The following SLC22A25 variants were observed in gnomAD, a reference collection of about 807,000 sequenced individuals.
SLC22A25 encodes solute carrier family 22 member 25, also known as MGI:2442751, MGI:2385316, MGI:3042283, MGI:3645714, MGI:3605624, MGI:2442750.
In SLC22A25, 44 loss-of-function variants were observed where a neutral mutation model predicts 45.9. The ratio of observed to expected loss-of-function variants is 0.96; its 90% CI spans 0.75 to 1.23. The LOEUF is 1.23. SLC22A25 is among the 50% of genes most tolerant of loss of function. The pLI, the probability that SLC22A25 is intolerant of heterozygous loss-of-function variation, is 0.00. For missense variants in SLC22A25, 800 were observed against 666.4 expected (o/e 1.20, Z -2.21); for synonymous variants, 283 against 238.6 (o/e 1.19, Z -1.72).
chr11:63,166,488 T>G, intron 9 of SLC22A25: 1 of 1,301,828 alleles, frequency 7.7e-7, no homozygotes, highest in East Asian at 3.1e-5. Context: ...ATGGAGGATG[T>G]GCTATGGGGT....
intron 5 of SLC22A25, among the ~76,000 whole-genome samples, chr11:63,223,316 G>A (rs998411931): frequency 3.9e-5 from 6 of 151,964 alleles, no homozygotes; most frequent in African/African-American, 1.4e-4. Context: ...TTATTGGTCT[G>A]TTCTGGTTTT....
intron 6 of SLC22A25, 45 bp from the exon 7 acceptor site, chr11:63,217,527 G>A (rs1462704337): frequency 6.2e-7 from 1 of 1,610,690 alleles, no homozygotes; most frequent in South Asian, 1.1e-5. Context: ...TACAGGTGGA[G>A]CTTCAATGTC....
chr11:63,163,246 A>G lies in SLC22A25; in HGVS notation c.*578T>C, dbSNP rs2087566429. Among the ~76,000 whole-genome samples, 1 of 152,234 alleles carries G rather than the reference A, an allele frequency of 6.6e-6. No homozygotes were observed. The highest frequency in any genetic ancestry group is 1.5e-5 in the Non-Finnish European group (1 of 68,042). On this transcript the variant is annotated 3_prime_UTR_variant, in exon 12 of 12. Coordinates refer to ENST00000306494, the MANE Select transcript of SLC22A25 (RefSeq NM_199352.6). ...TTTGGAAAAGGCAAGAGAAGCACAG[A>G]AAAGTTTTAGAACCTTTTCTCATTC...
chr11:63,195,933 C>A (rs1490830361), intron 7 of SLC22A25, among the ~76,000 whole-genome samples: 2 of 152,132 alleles, frequency 1.3e-5, no homozygotes, highest in East Asian at 3.9e-4. Context: ...CACCACGGAT[C>A]CCACAGAAAT....
chr11:63,187,700 T>C (rs147428463), intron 7 of SLC22A25, among the ~76,000 whole-genome samples: 2,500 of 152,318 alleles, frequency 0.016, 68 homozygotes, highest in African/African-American at 0.058. Flanking sequence ...ATAGCTCTTA[T>C]TATTTTGAGA....
chr11:63,183,083 A>C (rs752034625), intron 8 of SLC22A25, among the ~76,000 whole-genome samples: 8 of 152,162 alleles, frequency 5.3e-5, no homozygotes, highest in South Asian at 2.1e-4. Context: ...TTAATAATCC[A>C]TGGGGTGGAA....
At chr11:63,166,020 C>T (rs1185190141) in intron 10 of SLC22A25, 24 bp downstream of exon 10, 3 of 1,610,158 alleles carry the variant, frequency 1.9e-6, no homozygotes, top group South Asian at 1.1e-5. Flanking sequence ...CATTTTCTTT[C>T]TTCCACCTGT....
intron 7 of SLC22A25, among the ~76,000 whole-genome samples, chr11:63,187,884 A>C (rs1487999153): frequency 6.6e-6 from 1 of 152,240 alleles, no homozygotes; most frequent in Non-Finnish European, 1.5e-5. Context: ...CTTGCATCCC[A>C]GGGATGTAGC....
rs796301840 is a variant in SLC22A25 at position 63,194,890 on chromosome 11, C to CAAAAAAAAAAAAAAAA, written c.831-11089_831-11074dup. Among the ~76,000 whole-genome samples, 6 of 34,656 alleles carry CAAAAAAAAAAAAAAAA rather than the reference C, an allele frequency of 1.7e-4. 2 individuals carry two copies. Among genetic ancestry groups the CAAAAAAAAAAAAAAAA allele is most frequent in the Non-Finnish European group, 3.7e-4 (6 of 16,070 alleles). The allele number at this position is 34,656 out of a possible 152,430, so 22.7% of individuals were successfully genotyped here. ...GAAAATCTACCAAGCAAATGGAAAG[C>CAAAAAAAAAAAAAAAA]AAAAAAAAAAAAAAAAAAAAAAAAA... On this transcript the variant is annotated intron_variant, in intron 7 of 11. Coordinates refer to ENST00000306494, the MANE Select transcript of SLC22A25 (RefSeq NM_199352.6).
At chr11:63,242,725 A>T (rs1324881174) in intron 1 of SLC22A25, among the ~76,000 whole-genome samples, 1 of 152,150 alleles carries the variant, frequency 6.6e-6, no homozygotes, top group Non-Finnish European at 1.5e-5. Context: ...GTTGACACTC[A>T]ATATTAACCC....
rs1405370379 is a variant in SLC22A25, at chr11:63,162,165, A to C, written c.*1659T>G. Among the ~76,000 whole-genome samples, 1 of 152,160 alleles carries C rather than the reference A, an allele frequency of 6.6e-6. No individual in the cohort carries two copies. The highest frequency in any genetic ancestry group is 1.5e-5 in the Non-Finnish European group (1 of 68,024). ...GAGCTCCTTATATATTCTGGTGATTAGTCCTTTGTCAGAGGGGTAGTTTGC... is the reference window on the plus strand; with the variant it reads ...GAGCTCCTTATATATTCTGGTGATTCGTCCTTTGTCAGAGGGGTAGTTTGC... On this transcript the variant is annotated 3_prime_UTR_variant, in exon 12 of 12. Transcript: ENST00000306494.
intron 7 of SLC22A25, among the ~76,000 whole-genome samples, chr11:63,200,823 A>G (rs1029029945): frequency 1.3e-5 from 2 of 152,192 alleles, no homozygotes; most frequent in Non-Finnish European, 2.9e-5. Context: ...AGGGTACAAA[A>G]TCAATGTGCA....
In SLC22A25 at chr11:63,160,549, G is replaced by C. The variant is rs1232257468; in HGVS notation, c.*3275C>G. The stretch of plus-strand genomic sequence containing the variant: ...GGTCCTCATGGAGAACCTCTGCTTG[G>C]GCGGTGTGAAAGGAAGATGTGGGGT... On this transcript the variant is annotated 3_prime_UTR_variant, in exon 12 of 12. Coordinates refer to ENST00000306494, the MANE Select transcript of SLC22A25 (RefSeq NM_199352.6). Among the ~76,000 whole-genome samples the C allele has an allele frequency of 6.6e-6, 1 of 152,164 alleles. No homozygotes were observed. The highest frequency in any genetic ancestry group is 2.4e-5 in the African/African-American group (1 of 41,444).
intron 5 of SLC22A25, among the ~76,000 whole-genome samples, chr11:63,227,408 C>T (rs529295985): frequency 3.3e-5 from 5 of 152,260 alleles, no homozygotes; most frequent in African/African-American, 9.6e-5. Context: ...AGCAGATTCC[C>T]TTCTGGCCCA....
rs142374110 is a variant in SLC22A25 at position 63,217,626 on chromosome 11, C to G, written c.616G>C (p.Ala206Pro). 7 of 1,613,680 alleles carry G rather than the reference C, an allele frequency of 4.3e-6. No homozygotes were observed. The African/African-American group carries it at 8.0e-5, about 18-fold the overall frequency. Residue 206 changes from alanine to proline, a missense_variant, in exon 6 of 12, where the codon GCT (alanine) becomes CCT (proline). Ala to Pro is a conservative substitution (Grantham distance 27). Transcript: ENST00000306494. The part of the protein sequence containing the change: ...ILVYCSLRFL[A>P]GAATFSIIVN... ...ATGATGCTAAATGTAGCAGCCCCAGCCAAGAAGCGCAGGGAGCAGTATACG... is the reference window on the plus strand; with the variant it reads ...ATGATGCTAAATGTAGCAGCCCCAGGCAAGAAGCGCAGGGAGCAGTATACG...
At chr11:63,212,551 G>A (rs2089599388) in intron 7 of SLC22A25, among the ~76,000 whole-genome samples, 1 of 151,592 alleles carries the variant, frequency 6.6e-6, no homozygotes, top group South Asian at 2.1e-4. Context: ...ATCATTCTCA[G>A]CAAACTATCA....
At position 63,243,574 on chromosome 11, in the gene SLC22A25, C is replaced by T; in HGVS notation, c.-1136G>A. The T allele has an allele frequency of 2.6e-6, 2 of 764,382 alleles. No individual in the cohort carries two copies. Among genetic ancestry groups the T allele is most frequent in the South Asian group, 2.7e-5 (2 of 73,052 alleles). The allele number at this position is 764,382 out of a possible 1,614,324, so 47.3% of individuals were successfully genotyped here. On this transcript the variant is annotated 5_prime_UTR_variant, in exon 1 of 12. The change abolishes an upstream ATG in the 5' untranslated region. Transcript: ENST00000306494. ...AGCTGTGCATTTATACCGACAACTC[C>T]ATCAAGCCTCAGGAGCTGCTGGAGT...
chr11:63,163,907 G>C lies in SLC22A25; in HGVS notation c.1561C>G (p.Gln521Glu), dbSNP rs747168707. The change falls in exon 12 of 12, where the codon CAG (glutamine) becomes GAG (glutamate). Residue 521 changes from glutamine to glutamate, a missense_variant. Transcript: ENST00000306494. ...VVLLLPETRN[Q>E]PLLDSIQDVE... ...TCCTGGATGCTGTCAAGAAGAGGCT[G>C]GTTCCTGGTTTCAGGAAGGAGGAGG... is the stretch of plus-strand genomic sequence containing the variant. The C allele has an allele frequency of 4.5e-5, 72 of 1,613,798 alleles. No homozygotes were observed. Among genetic ancestry groups the C allele is most frequent in the Non-Finnish European group, 5.8e-5 (68 of 1,179,916 alleles).
intron 9 of SLC22A25, among the ~76,000 whole-genome samples, chr11:63,169,858 T>C (rs2087817955): frequency 1.3e-5 from 2 of 152,198 alleles, no homozygotes; most frequent in African/African-American, 4.8e-5. Flanking sequence ...CAACAGAATA[T>C]ACATTCTTCT....
Sources: gnomAD v4.1 joint callset for allele counts (sites outside exome capture counted in the v4.1 genomes callset) on GRCh38, gnomAD v4.1.1 for gene constraint, MANE v1.5 for transcripts, NCBI Gene and HGNC (gene_info 2026-07-23, HGNC 2026-07-21) for gene names.